Variants in ATXN1 observed in about 807,000 individuals in gnomAD.
ATXN1 encodes the protein ataxin 1.
In ATXN1, 8 loss-of-function variants were observed where a neutral mutation model predicts 56.4. That is an observed-to-expected ratio of 0.14 (90% CI 0.08 to 0.26). ATXN1 has a LOEUF of 0.26. Ranked by LOEUF, ATXN1 falls within the 10% of genes least tolerant of loss-of-function variation. The pLI, the probability that ATXN1 is intolerant of heterozygous loss-of-function variation, is 1.00. For synonymous variants in ATXN1, 514 were observed against 494.6 expected (o/e 1.04, Z -0.52); for missense variants, 987 against 1,106.5 (o/e 0.89, Z 1.53).
intron 4 of ATXN1, among the ~76,000 whole-genome samples, chr6:16,583,555 A>G (rs959939670): frequency 6.6e-6 from 1 of 152,276 alleles, no homozygotes; most frequent in Admixed American, 6.5e-5. Flanking sequence ...GAGATGAGCC[A>G]ACTAGGGCAG....
At chr6:16,347,035 C>A (rs114598241) in intron 6 of ATXN1, among the ~76,000 whole-genome samples, 4,647 of 152,338 alleles carry the variant, frequency 0.031, 212 homozygotes, top group African/African-American at 0.1. Flanking sequence ...GGCCAGCAGC[C>A]GCTGTGCTCA....
At chr6:16,621,695 A>G (rs1763323544) in intron 3 of ATXN1, among the ~76,000 whole-genome samples, 1 of 152,256 alleles carries the variant, frequency 6.6e-6, no homozygotes, top group South Asian at 2.1e-4. Context: ...CCTGGGAGAC[A>G]GAGCGAGATT....
At chr6:16,704,554 C>G (rs1759365021) in intron 2 of ATXN1, among the ~76,000 whole-genome samples, 1 of 152,194 alleles carries the variant, frequency 6.6e-6, no homozygotes, top group Admixed American at 6.5e-5. Flanking sequence ...CATCTCTTCC[C>G]CAGCACTTGA....
chr6:16,543,242 G>A (rs558895294), intron 4 of ATXN1, among the ~76,000 whole-genome samples: 4 of 152,240 alleles, frequency 2.6e-5, no homozygotes, highest in Admixed American at 1.3e-4. Context: ...CATTCTGTGC[G>A]GGAGGGGACA....
Position 16,760,600 on chromosome 6 carries a change from C to T in ATXN1, c.-730+698G>A, listed in dbSNP as rs1400406377. On this transcript the variant is annotated intron_variant, in intron 1 of 7. Coordinates refer to ENST00000436367, the MANE Select transcript of ATXN1 (RefSeq NM_001128164.2). This position sits in a 1 kb window ranked among gnomAD's most constrained non-coding sequence, Gnocchi z 5.3. ...CCGGCACCCGGCCGCGCGCAAAGTC[C>T]CGTCCCGGCTGCAGGAGCAGTCCCT... 6.6e-6 allele frequency among the ~76,000 whole-genome samples: 1 copy of T among 150,776 alleles called. No individual in the cohort carries two copies. The highest frequency in any genetic ancestry group is 2.4e-5 in the African/African-American group (1 of 41,138).
At chr6:16,348,748 A>G (rs2113456370) in intron 6 of ATXN1, among the ~76,000 whole-genome samples, 2 of 152,346 alleles carry the variant, frequency 1.3e-5, no homozygotes, top group Non-Finnish European at 2.9e-5. Flanking sequence ...AGTTGTTATG[A>G]GAATTGCATG....
At position 16,303,536 on chromosome 6, in the gene ATXN1, G is replaced by T. The variant is rs190637611; in HGVS notation, c.*2793C>A. On this transcript the variant is annotated 3_prime_UTR_variant, in exon 8 of 8. Coordinates refer to ENST00000436367, the MANE Select transcript of ATXN1 (RefSeq NM_001128164.2). The surrounding 1 kb of genome is among the most constrained non-coding windows in gnomAD (Gnocchi z 4.3). ...TATAGCACACTGGTCAGACTCTATT[G>T]GCACAGAAAGTATTGCACATGCTAA... 2 of 152,782 alleles carry T rather than the reference G, an allele frequency of 1.3e-5. No homozygotes were observed. Among genetic ancestry groups the T allele is most frequent in the Non-Finnish European group, 2.9e-5 (2 of 68,052 alleles). 9.5% of individuals were successfully genotyped at this position (152,782 alleles called of 1,614,324 possible).
At chr6:16,483,556 G>A (rs1015071776) in intron 6 of ATXN1, among the ~76,000 whole-genome samples, 4 of 152,084 alleles carry the variant, frequency 2.6e-5, no homozygotes, top group African/African-American at 7.2e-5. Context: ...AAGCAAATGC[G>A]GTTTTGAAAA....
chr6:16,643,359 T>C (rs1308114995), intron 3 of ATXN1, among the ~76,000 whole-genome samples: 1 of 151,874 alleles, frequency 6.6e-6, no homozygotes, highest in African/African-American at 2.4e-5. Flanking sequence ...CCAGCTGCGG[T>C]GGCTCACGCC....
intron 3 of ATXN1, among the ~76,000 whole-genome samples, chr6:16,610,464 GA>G (rs924792489): frequency 1.3e-5 from 2 of 151,414 alleles, no homozygotes; most frequent in African/African-American, 2.4e-5. Flanking sequence ...CACCAAGGTG[GA>G]AAAAAAATCA....
chr6:16,602,115 C>T (rs2113781232), intron 3 of ATXN1, among the ~76,000 whole-genome samples: 1 of 152,300 alleles, frequency 6.6e-6, no homozygotes, highest in East Asian at 1.9e-4. Context: ...AGCTATTTTA[C>T]TGGTCCCAGA....
chr6:16,335,696 G>T (rs1252708893), intron 6 of ATXN1, among the ~76,000 whole-genome samples: 6 of 152,186 alleles, frequency 3.9e-5, no homozygotes, highest in African/African-American at 1.4e-4. Context: ...TTATGGATTT[G>T]GAAATGAGAT....
intron 2 of ATXN1, among the ~76,000 whole-genome samples, chr6:16,687,657 T>TACACACACACACACACACACACACAC (rs57034032): frequency 4.9e-5 from 7 of 143,390 alleles, no homozygotes; most frequent in South Asian, 2.3e-4. Flanking sequence ...AAAGAAGAAA[T>TACACACACACACACACACACACACAC]ACACACACAC....
At chr6:16,629,297 T>C (rs1315442014) in intron 3 of ATXN1, among the ~76,000 whole-genome samples, 1 of 152,196 alleles carries the variant, frequency 6.6e-6, no homozygotes, top group Non-Finnish European at 1.5e-5. Flanking sequence ...TCATGTCCTT[T>C]GCTCACTTTT....
At chr6:16,574,780 G>T (rs529863181) in intron 4 of ATXN1, among the ~76,000 whole-genome samples, 2 of 150,558 alleles carry the variant, frequency 1.3e-5, no homozygotes, top group African/African-American at 4.9e-5. Context: ...TCAACAAACC[G>T]TAGGGTGTAT....
chr6:16,520,697 T>G (rs1761271529), intron 5 of ATXN1, among the ~76,000 whole-genome samples: 1 of 152,182 alleles, frequency 6.6e-6, no homozygotes, highest in Non-Finnish European at 1.5e-5. Flanking sequence ...TGTACTGTGG[T>G]GTGCTCTGAG....
chr6:16,517,616 G>C (rs528622562), intron 5 of ATXN1, among the ~76,000 whole-genome samples: 4 of 152,286 alleles, frequency 2.6e-5, no homozygotes, highest in Admixed American at 2.0e-4. Context: ...TTGCAATCTA[G>C]TAAGGGTAAA....
chr6:16,654,700 G>T (rs191195357), intron 3 of ATXN1, among the ~76,000 whole-genome samples: 2 of 152,086 alleles, frequency 1.3e-5, no homozygotes. Context: ...CAAACCTCCC[G>T]ATTCAGCATG....
intron 6 of ATXN1, among the ~76,000 whole-genome samples, chr6:16,438,741 T>G (rs534420401): frequency 6.6e-6 from 1 of 152,302 alleles, no homozygotes; most frequent in Admixed American, 6.5e-5. Flanking sequence ...ATTTATGAGA[T>G]AGACTGAAAT....
Sources: gnomAD v4.1 joint callset for allele counts (sites outside exome capture counted in the v4.1 genomes callset) on GRCh38, gnomAD v4.1.1 for gene constraint, Gnocchi (gnomAD v3.1) non-coding constraint, MANE v1.5 for transcripts, NCBI Gene and HGNC (gene_info 2026-07-23, HGNC 2026-07-21) for gene names.